RALYL: variants seen among roughly 807,000 people sequenced by gnomAD.
The protein encoded by RALYL is RNA-binding Raly-like protein.
A neutral mutation model predicts 35.1 loss-of-function variants in RALYL; 29 were observed. The ratio of observed to expected loss-of-function variants is 0.83; its 90% CI spans 0.61 to 1.13. RALYL has a LOEUF of 1.13. Ranked by LOEUF, RALYL falls within the 50% of genes most tolerant of loss-of-function variation. RALYL has a pLI of 0.00. For missense variants in RALYL, 359 were observed against 360.4 expected (o/e 1.00, Z 0.03); for synonymous variants, 120 against 127.6 (o/e 0.94, Z 0.40).
chr8:84,304,294 T>C (rs899341090), intron 1 of RALYL, among the ~76,000 whole-genome samples: 2 of 152,052 alleles, frequency 1.3e-5, no homozygotes, highest in Non-Finnish European at 2.9e-5. Context: ...ATTTTTTGTA[T>C]TTTTAGTAGA....
Position 84,740,365 on chromosome 8 carries a change from G to C in RALYL, c.257-34214G>C, listed in dbSNP as rs1427899307. Among the ~76,000 whole-genome samples the C allele has an allele frequency of 5.3e-5, 8 of 152,078 alleles. No homozygotes were observed. In the East Asian group the frequency reaches 1.4e-3, roughly 26 times the overall value. On this transcript the variant is annotated intron_variant, in intron 2 of 8. Transcript: ENST00000521268. ...ATTGTTAAAGGTCAGGAGAAGAAAA[G>C]AGAAACAAAGAGGGCGGAATAAAAG...
chr8:84,732,778 C>G (rs1028440951), intron 2 of RALYL, among the ~76,000 whole-genome samples: 2 of 151,238 alleles, frequency 1.3e-5, no homozygotes, highest in Admixed American at 6.6e-5. Flanking sequence ...CTCACTGCAG[C>G]CTCTGCCTCC....
intron 1 of RALYL, among the ~76,000 whole-genome samples, chr8:84,367,588 C>T (rs1322514421): frequency 6.6e-6 from 1 of 151,558 alleles, no homozygotes; most frequent in Non-Finnish European, 1.5e-5. Flanking sequence ...TTTCAGGTGC[C>T]TCACAAAATT....
intron 2 of RALYL, among the ~76,000 whole-genome samples, chr8:84,556,742 G>T (rs1314785812): frequency 6.6e-6 from 1 of 152,074 alleles, no homozygotes; most frequent in Admixed American, 6.6e-5. Context: ...TGCTCACGTG[G>T]TTTGATTTTA....
At chr8:84,357,309 C>T (rs1448417217) in intron 1 of RALYL, among the ~76,000 whole-genome samples, 1 of 151,946 alleles carries the variant, frequency 6.6e-6, no homozygotes, top group Non-Finnish European at 1.5e-5. Context: ...CAACTGAAAG[C>T]AAAGAAAGAT....
intron 2 of RALYL, among the ~76,000 whole-genome samples, chr8:84,559,150 T>C (rs1403275051): frequency 2.6e-5 from 4 of 152,074 alleles, no homozygotes; most frequent in Non-Finnish European, 5.9e-5. Flanking sequence ...TGATATTTTT[T>C]ATTTATTTGG....
chr8:84,640,337 G>A (rs1209178234), intron 2 of RALYL, among the ~76,000 whole-genome samples: 2 of 151,886 alleles, frequency 1.3e-5, no homozygotes, highest in Non-Finnish European at 2.9e-5. Flanking sequence ...TCTCTTAAGC[G>A]AGTTATCAGA....
chr8:84,420,412 A>G (rs1350081821), intron 1 of RALYL, among the ~76,000 whole-genome samples: 2 of 151,512 alleles, frequency 1.3e-5, no homozygotes, highest in African/African-American at 4.9e-5. Flanking sequence ...TTTCTTGTAC[A>G]TTTGTTTGAG....
At chr8:84,674,545 C>A (rs1329925811) in intron 2 of RALYL, among the ~76,000 whole-genome samples, 1 of 152,064 alleles carries the variant, frequency 6.6e-6, no homozygotes, top group Non-Finnish European at 1.5e-5. Context: ...ACACAGCATT[C>A]TTTTGTAGTT....
chr8:84,333,910 C>T (rs866978785), intron 1 of RALYL, among the ~76,000 whole-genome samples: 2 of 152,060 alleles, frequency 1.3e-5, no homozygotes, highest in Admixed American at 1.3e-4. Context: ...CCTTGGGACA[C>T]GGTCTCACTG....
intron 1 of RALYL, among the ~76,000 whole-genome samples, chr8:84,422,307 T>C (rs2045736468): frequency 8.5e-6 from 1 of 118,212 alleles, no homozygotes; most frequent in Non-Finnish European, 1.7e-5. Flanking sequence ...ATTTATCCAT[T>C]TCTTCTAGAT....
At chr8:84,837,826 C>T (rs1412836032) in intron 4 of RALYL, among the ~76,000 whole-genome samples, 1 of 152,232 alleles carries the variant, frequency 6.6e-6, no homozygotes, top group East Asian at 1.9e-4. Flanking sequence ...TTTGTTTGCA[C>T]TAAACATTCA....
At chr8:84,801,597 A>T (rs1823281261) in intron 3 of RALYL, among the ~76,000 whole-genome samples, 1 of 152,230 alleles carries the variant, frequency 6.6e-6, no homozygotes, top group Non-Finnish European at 1.5e-5. Flanking sequence ...GATTGAGATA[A>T]ATGTAAATGA....
chr8:84,900,466 TG>T (rs1845481204), intron 8 of RALYL, among the ~76,000 whole-genome samples: 1 of 152,066 alleles, frequency 6.6e-6, no homozygotes, highest in Non-Finnish European at 1.5e-5. Context: ...CACCTGAGGT[TG>T]GGAGTTCAAG....
chr8:84,420,560 A>C (rs1322958749), intron 1 of RALYL, among the ~76,000 whole-genome samples: 1 of 140,468 alleles, frequency 7.1e-6, no homozygotes, highest in Non-Finnish European at 1.5e-5. Flanking sequence ...ATTAGATCCC[A>C]TTTGTCAATT....
At chr8:84,550,951 A>G (rs914881659) in intron 2 of RALYL, among the ~76,000 whole-genome samples, 8 of 152,048 alleles carry the variant, frequency 5.3e-5, no homozygotes, top group Non-Finnish European at 1.2e-4. Context: ...CCCAAGGTAT[A>G]AATATAAACT....
intron 4 of RALYL, among the ~76,000 whole-genome samples, chr8:84,810,999 T>C (rs1825775211): frequency 6.6e-6 from 1 of 152,164 alleles, no homozygotes; most frequent in Non-Finnish European, 1.5e-5. Flanking sequence ...CAATGTTTAG[T>C]ATTGAGATGT....
chr8:84,467,841 T>C (rs1282928604), intron 1 of RALYL, among the ~76,000 whole-genome samples: 1 of 138,988 alleles, frequency 7.2e-6, no homozygotes, highest in Non-Finnish European at 1.6e-5. Flanking sequence ...ATTGGGTGCA[T>C]ATATATTTAG....
At chr8:84,235,804 G>T (rs1361849772) in intron 1 of RALYL, among the ~76,000 whole-genome samples, 4 of 126,086 alleles carry the variant, frequency 3.2e-5, no homozygotes, top group African/African-American at 6.3e-5. Flanking sequence ...GTCTCATGCT[G>T]TTGCCAGGCT....
Sources: allele counts gnomAD v4.1 joint callset (sites outside exome capture counted in the v4.1 genomes callset), GRCh38; gene constraint gnomAD v4.1.1; transcripts MANE v1.5; gene names NCBI Gene and HGNC (gene_info 2026-07-23, HGNC 2026-07-21).